Variants in AHR observed in about 807,000 individuals in gnomAD.
The protein encoded by AHR is aryl hydrocarbon receptor.
Under a neutral mutation model 86.8 loss-of-function variants are expected in AHR, and 40 were observed. The observed-to-expected ratio is 0.46, with a 90% CI of 0.36 to 0.60. The LOEUF is 0.60. Among genes scored for constraint, AHR ranks in the 20% least tolerant of loss-of-function variants. The pLI, the probability that AHR is intolerant of heterozygous loss-of-function variation, is 0.00. For missense variants in AHR, 1,001 were observed against 1,011.6 expected (o/e 0.99, Z 0.14); for synonymous variants, 398 against 354.9 (o/e 1.12, Z -1.37).
At chr7:17,311,431 C>A (rs1248725722) in intron 2 of AHR, among the ~76,000 whole-genome samples, 1 of 152,126 alleles carries the variant, frequency 6.6e-6, no homozygotes, top group Non-Finnish European at 1.5e-5. Context: ...CTAGACAACA[C>A]GTTTATGGAT....
chr7:17,343,665 TTC>T lies in AHR; in HGVS notation c.*603_*604del, dbSNP rs895128364. 84 of 152,536 alleles carry T rather than the reference TTC, an allele frequency of 5.5e-4. No individual in the cohort carries two copies. The highest frequency in any genetic ancestry group is 1.8e-3 in the African/African-American group (73 of 41,434). 9.4% of individuals were successfully genotyped at this position (152,536 alleles called of 1,614,324 possible). Reference sequence around the variant, plus strand: ...TAGGATGTATATTTTATATAAAGTATTCTTTTTCTTTTTTAAATTAATATCTT... The same window carrying T: ...TAGGATGTATATTTTATATAAAGTATTTTTTCTTTTTTAAATTAATATCTT... On this transcript the variant is annotated 3_prime_UTR_variant, in exon 11 of 11. Coordinates refer to ENST00000242057, the MANE Select transcript of AHR (RefSeq NM_001621.5).
At position 17,339,694 on chromosome 7, in the gene AHR, G is replaced by A. The variant is rs763371981; in HGVS notation, c.1869G>A (p.Gln623=). ...AACACCTACATCTAGAACAGCAACA[G>A]CAACATCACCAAAAGCAAGTAGTAG... ...VQEHLHLEQQ[Q]QHHQKQVVVE... is the part of the protein sequence containing the mutation. Residue 623 remains glutamine, a synonymous_variant, in exon 10 of 11, where the codon CAG becomes CAA. Transcript: ENST00000242057. 6.8e-6 allele frequency: 11 copies of A among 1,613,938 alleles called. No homozygotes were observed. The highest frequency in any genetic ancestry group is 1.1e-5 in the South Asian group (1 of 91,080).
chr7:17,323,944 C>T (rs4236290), intron 3 of AHR, among the ~76,000 whole-genome samples: 138,340 of 152,238 alleles, frequency 0.91, 63,121 homozygotes, highest in East Asian at 1. Context: ...AATGAAATCC[C>T]GTATTTCAGG....
intron 1 of AHR, among the ~76,000 whole-genome samples, chr7:17,300,997 T>C (rs1322057149): frequency 6.6e-6 from 1 of 152,160 alleles, no homozygotes; most frequent in African/African-American, 2.4e-5. Flanking sequence ...TTATGGATTT[T>C]GGTTATTTTG....
intron 2 of AHR, among the ~76,000 whole-genome samples, chr7:17,319,551 G>A (rs1400380556): frequency 6.6e-6 from 1 of 152,098 alleles, no homozygotes; most frequent in Non-Finnish European, 1.5e-5. Context: ...AGATTAAATA[G>A]GATATAATAC....
chr7:17,299,014 C>T lies in AHR; in HGVS notation c.-251C>T. ...CACCTGCGCCGCCTTGCTCGCGGGT[C>T]TCCGCCCCTCGCCCACCCTCACTGC... On this transcript the variant is annotated 5_prime_UTR_variant, in exon 1 of 11. Coordinates refer to ENST00000242057, the MANE Select transcript of AHR (RefSeq NM_001621.5). 2.1e-6 allele frequency: 1 copy of T among 470,364 alleles called. No homozygotes were observed. Among genetic ancestry groups the T allele is most frequent in the Non-Finnish European group, 3.7e-6 (1 of 271,964 alleles). The allele number at this position is 470,364 out of a possible 1,614,324, so 29.1% of individuals were successfully genotyped here. A position where few individuals can be genotyped will look rare whatever the true frequency, so the allele number is the denominator to read the frequency against.
At position 17,339,740 on chromosome 7, in the gene AHR, T is replaced by G. The variant is rs1007171319; in HGVS notation, c.1915T>G (p.Cys639Gly). The change falls in exon 10 of 11, where the codon TGT becomes GGT. Residue 639 changes from cysteine (C) to glycine (G), a missense_variant. Cys to Gly is a radical substitution (Grantham distance 159). This residue lies in a region of AHR where 607 missense variants were observed against 543.1 expected (regional missense o/e 1.12). Coordinates refer to ENST00000242057, the MANE Select transcript of AHR (RefSeq NM_001621.5). ...QVVVEPQQQL[C>G]QKMKHMQVNG... ...AGTAGTGGAGCCACAGCAACAGCTG[T>G]GTCAGAAGATGAAGCACATGCAAGT... 2.5e-6 allele frequency: 4 copies of G among 1,614,074 alleles called. No individual in the cohort carries two copies. Among genetic ancestry groups the G allele is most frequent in the Non-Finnish European group, 3.4e-6 (4 of 1,180,040 alleles).
At chr7:17,300,495 T>G (rs542367453) in intron 1 of AHR, among the ~76,000 whole-genome samples, 3 of 152,290 alleles carry the variant, frequency 2.0e-5, no homozygotes, top group Middle Eastern at 3.4e-3. Flanking sequence ...AAAATTTTAG[T>G]TTCCTTTCAG....
Position 17,299,165 on chromosome 7 carries a change from G to T in AHR, c.-100G>T. The T allele has an allele frequency of 1.5e-6, 2 of 1,351,376 alleles. No individual in the cohort carries two copies. Among genetic ancestry groups the T allele is most frequent in the Non-Finnish European group, 2.0e-6 (2 of 1,021,544 alleles). The allele number at this position is 1,351,376 out of a possible 1,614,324, so 83.7% of individuals were successfully genotyped here. Reference sequence around the variant, plus strand: ...CAGGTGGAGCGGGCGCGGCTTCGCGGAACCCGGCGCCGGCCGCCGCAGTGG... The same window carrying T: ...CAGGTGGAGCGGGCGCGGCTTCGCGTAACCCGGCGCCGGCCGCCGCAGTGG... On this transcript the variant is annotated 5_prime_UTR_variant, in exon 1 of 11. Coordinates refer to ENST00000242057, the MANE Select transcript of AHR (RefSeq NM_001621.5).
intron 1 of AHR, among the ~76,000 whole-genome samples, chr7:17,301,405 C>G (rs1038096640): frequency 6.6e-6 from 1 of 151,960 alleles, no homozygotes; most frequent in Non-Finnish European, 1.5e-5. Flanking sequence ...AGCCCCAAAA[C>G]ATGCCAACAT....
intron 6 of AHR, among the ~76,000 whole-genome samples, chr7:17,333,371 C>T (rs1390058685): frequency 1.3e-5 from 2 of 151,888 alleles, no homozygotes; most frequent in Non-Finnish European, 2.9e-5. Flanking sequence ...TTTGTTTTCC[C>T]TGTCTTCTAA....
At chr7:17,299,400 A>C in intron 1 of AHR, 71 bp downstream of exon 1, 1 of 1,536,630 alleles carries the variant, frequency 6.5e-7, no homozygotes. Flanking sequence ...AGGCAGCCCC[A>C]CCCCGCCCCC....
chr7:17,327,417 A>G (rs947119624), intron 3 of AHR, among the ~76,000 whole-genome samples: 3 of 152,000 alleles, frequency 2.0e-5, no homozygotes, highest in Admixed American at 2.0e-4. Context: ...CCCTCTAAAA[A>G]AAAGCAGTGT....
At position 17,335,786 on chromosome 7, in the gene AHR, C is replaced by T. The variant is rs1246045330; in HGVS notation, c.1160C>T (p.Thr387Ile). 8.7e-6 allele frequency: 14 copies of T among 1,610,902 alleles called. No individual in the cohort carries two copies. The highest frequency in any genetic ancestry group is 2.7e-5 in the African/African-American group (2 of 74,846). ...ATCATTGTAACTCAGAGACCACTAA[C>T]GTAAGCACAAATAATGTTTCCTGTT... is the stretch of plus-strand genomic sequence containing the variant. Reference protein sequence around the residue: ...DYIIVTQRPLTDEEGTEHLRK... With the variant: ...DYIIVTQRPLIDEEGTEHLRK... Residue 387 changes from threonine to isoleucine, a missense_variant and splice_region_variant, in exon 9 of 11, where the codon ACA becomes ATA. Coordinates refer to ENST00000242057, the MANE Select transcript of AHR (RefSeq NM_001621.5).
At chr7:17,325,198 T>C (rs1218116110) in intron 3 of AHR, among the ~76,000 whole-genome samples, 1 of 152,230 alleles carries the variant, frequency 6.6e-6, no homozygotes, top group Non-Finnish European at 1.5e-5. Flanking sequence ...GGTCTCCTGG[T>C]ACTTGAGATC....
intron 3 of AHR, among the ~76,000 whole-genome samples, chr7:17,325,786 C>T (rs1462180125): frequency 2.0e-5 from 3 of 151,996 alleles, no homozygotes; most frequent in Non-Finnish European, 2.9e-5. Flanking sequence ...CACACTGGGG[C>T]CGTTTAGAGG....
At chr7:17,319,911 G>T (rs948459497) in intron 2 of AHR, among the ~76,000 whole-genome samples, 1 of 151,984 alleles carries the variant, frequency 6.6e-6, no homozygotes, top group African/African-American at 2.4e-5. Flanking sequence ...ACCCTTCTCA[G>T]ACTCATCTTT....
intron 2 of AHR, among the ~76,000 whole-genome samples, chr7:17,310,990 G>C (rs1035814331): frequency 6.6e-6 from 1 of 152,146 alleles, no homozygotes; most frequent in Admixed American, 6.6e-5. Flanking sequence ...AACCAAACCA[G>C]GTAGCATCCC....
chr7:17,331,274 T>C (rs1368833546), intron 6 of AHR, among the ~76,000 whole-genome samples: 2 of 151,934 alleles, frequency 1.3e-5, no homozygotes, highest in East Asian at 3.9e-4. Flanking sequence ...AGAGGCATCT[T>C]CAGCCCAAAT....
Sources: gnomAD v4.1 joint callset for allele counts (sites outside exome capture counted in the v4.1 genomes callset) on GRCh38, gnomAD v4.1.1 for gene constraint, gnomAD v4.1.1 regional missense constraint, MANE v1.5 for transcripts, NCBI Gene and HGNC (gene_info 2026-07-23, HGNC 2026-07-21) for gene names.